The following CRTC3 variants were observed in gnomAD, a reference collection of about 807,000 sequenced individuals.
CRTC3 encodes CREB-regulated transcription coactivator 3.
In CRTC3, 26 loss-of-function variants were observed where a neutral mutation model predicts 74.5. That is an observed-to-expected ratio of 0.35 (90% CI 0.26 to 0.48). The LOEUF is 0.48. Among genes scored for constraint, CRTC3 ranks in the 20% least tolerant of loss-of-function variants. The pLI is 0.99. For missense variants in CRTC3, 760 were observed against 787.3 expected, an observed-to-expected ratio of 0.97 and a Z score of 0.41; for synonymous variants, 377 against 325.8, an observed-to-expected ratio of 1.16 and a Z score of -1.69.
Position 90,643,728 on chromosome 15 carries a change from AG to A in CRTC3, c.*1596del, listed in dbSNP as rs983562770. ...GAAGGGGGCAGAGCACTGCAGGGGG[AG>A]GGGGGGGTCTAGGCTGTGAGAGGAC... On this transcript the variant is annotated 3_prime_UTR_variant, in exon 15 of 15. Coordinates refer to ENST00000268184, the MANE Select transcript of CRTC3 (RefSeq NM_022769.5). 7.6e-4 allele frequency: 160 copies of A among 210,706 alleles called. No individual in the cohort carries two copies. The highest frequency in any genetic ancestry group is 1.5e-3 in the Middle Eastern group (1 of 684). 13.1% of individuals were successfully genotyped at this position (210,706 alleles called of 1,614,324 possible).
intron 2 of CRTC3, among the ~76,000 whole-genome samples, chr15:90,558,909 G>T (rs921235205): frequency 6.6e-6 from 1 of 151,634 alleles, no homozygotes; most frequent in African/African-American, 2.4e-5. Flanking sequence ...GTGCTACCAC[G>T]CCCGGCTAAT....
At chr15:90,537,301 C>T (rs1305517982) in intron 1 of CRTC3, among the ~76,000 whole-genome samples, 1 of 152,220 alleles carries the variant, frequency 6.6e-6, no homozygotes, top group South Asian at 2.1e-4. Flanking sequence ...TTAATCCTCA[C>T]TTTATCTTGT....
At chr15:90,589,894 G>A (rs1203010550) in intron 2 of CRTC3, among the ~76,000 whole-genome samples, 2 of 152,086 alleles carry the variant, frequency 1.3e-5, no homozygotes, top group Non-Finnish European at 2.9e-5. Flanking sequence ...AACTAAGGCA[G>A]GAGAATCGCT....
chr15:90,568,481 G>C (rs1967177534), intron 2 of CRTC3, among the ~76,000 whole-genome samples: 1 of 152,056 alleles, frequency 6.6e-6, no homozygotes, highest in African/African-American at 2.4e-5. Flanking sequence ...CTCCCGAGTA[G>C]CTAGGATTAC....
chr15:90,577,668 T>C (rs558117751), intron 2 of CRTC3, among the ~76,000 whole-genome samples: 1 of 152,322 alleles, frequency 6.6e-6, no homozygotes, highest in East Asian at 1.9e-4. Flanking sequence ...AAACAGGTTA[T>C]GTATACACAA....
At chr15:90,576,327 A>G (rs776730379) in intron 2 of CRTC3, among the ~76,000 whole-genome samples, 25 of 152,292 alleles carry the variant, frequency 1.6e-4, no homozygotes, top group African/African-American at 5.8e-4. Context: ...ATGTGCAGGG[A>G]TGAGGAGGAA....
At chr15:90,638,265 TG>T in intron 11 of CRTC3, 180 bp from the exon 12 acceptor site, 1 of 580,370 alleles carries the variant, frequency 1.7e-6, no homozygotes, top group Non-Finnish European at 3.1e-6. Flanking sequence ...ACATGCTTTG[TG>T]GGGAAGTAAA....
intron 9 of CRTC3, among the ~76,000 whole-genome samples, chr15:90,624,448 C>T (rs1043844183): frequency 5.3e-5 from 8 of 152,046 alleles, no homozygotes; most frequent in Non-Finnish European, 7.4e-5. Flanking sequence ...CATTCTCTCC[C>T]GCCTGCCTCT....
chr15:90,592,298 A>G (rs1019167355), intron 2 of CRTC3, among the ~76,000 whole-genome samples: 12 of 152,354 alleles, frequency 7.9e-5, no homozygotes, highest in African/African-American at 2.9e-4. Flanking sequence ...TGATTTCATC[A>G]TTTTGCTATG....
intron 10 of CRTC3, among the ~76,000 whole-genome samples, chr15:90,626,539 C>T (rs575171309): frequency 5.9e-5 from 9 of 152,014 alleles, no homozygotes; most frequent in African/African-American, 2.2e-4. Context: ...TTGGGTGTTA[C>T]TCTCTGGGTT....
chr15:90,555,296 C>T (rs1376962351), intron 2 of CRTC3, among the ~76,000 whole-genome samples: 2 of 152,148 alleles, frequency 1.3e-5, no homozygotes, highest in African/African-American at 2.4e-5. Context: ...CTATTAAAAT[C>T]ACTTTTTATT....
intron 13 of CRTC3, among the ~76,000 whole-genome samples, chr15:90,639,519 G>A (rs552235591): frequency 4.1e-5 from 6 of 147,342 alleles, no homozygotes; most frequent in South Asian, 4.3e-4. Flanking sequence ...GCGTGATCTC[G>A]GCTTACTGCA....
chr15:90,607,554 G>C (rs1968256559), intron 6 of CRTC3, 76 bp downstream of exon 6: 1 of 934,824 alleles, frequency 1.1e-6, no homozygotes. Flanking sequence ...GAGAGAAGCT[G>C]AAGTGGTGTT....
chr15:90,541,941 C>A (rs1349747713), intron 2 of CRTC3, among the ~76,000 whole-genome samples: 1 of 151,734 alleles, frequency 6.6e-6, no homozygotes, highest in Non-Finnish European at 1.5e-5. Flanking sequence ...TGCACTACCA[C>A]GCCCAGCTAA....
intron 2 of CRTC3, among the ~76,000 whole-genome samples, chr15:90,583,116 G>A (rs1967581968): frequency 1.3e-5 from 2 of 151,964 alleles, no homozygotes; most frequent in Admixed American, 6.6e-5. Flanking sequence ...GGGATTACAC[G>A]TGTGAGCCAC....
intron 2 of CRTC3, among the ~76,000 whole-genome samples, chr15:90,583,815 T>C (rs960489737): frequency 2.0e-5 from 3 of 152,046 alleles, no homozygotes; most frequent in African/African-American, 7.2e-5. Context: ...AGATTTGTTA[T>C]ACATTTTGAA....
chr15:90,530,161 G>C lies in CRTC3; in HGVS notation c.90G>C (p.Thr30=), dbSNP rs1302072449. The part of the protein sequence containing the change: ...ALHTQRQAEE[T]RAFEQLMTDL... Reference sequence around the variant, plus strand: ...ACACGCAGAGACAGGCCGAGGAGACGCGGGCCTTCGAGCAGCTCATGACCG... The same window carrying C: ...ACACGCAGAGACAGGCCGAGGAGACCCGGGCCTTCGAGCAGCTCATGACCG... The change falls in exon 1 of 15, where the codon ACG becomes ACC. Residue 30 remains threonine (T), a synonymous_variant. Transcript: ENST00000268184. This position sits in a 1 kb window ranked among gnomAD's most constrained non-coding sequence, Gnocchi z 6.2. 1 of 1,433,700 alleles carries C rather than the reference G, an allele frequency of 7.0e-7. No homozygotes were observed. The highest frequency in any genetic ancestry group is 9.3e-7 in the Non-Finnish European group (1 of 1,076,924). The allele number at this position is 1,433,700 out of a possible 1,614,324, so 88.8% of individuals were successfully genotyped here.
rs1969584038 is a variant in CRTC3, at chr15:90,645,274, G to T, written c.*3134G>T. The T allele has an allele frequency of 4.5e-6, 1 of 222,084 alleles. No individual in the cohort carries two copies. Among genetic ancestry groups the T allele is most frequent in the East Asian group, 6.6e-5 (1 of 15,202 alleles). The allele number at this position is 222,084 out of a possible 1,614,324, so 13.8% of individuals were successfully genotyped here. ...TAAAAATTGGAATTTGTATAAAGTT[G>T]CTTCCAAGTTTTATAATGCATCATT... On this transcript the variant is annotated 3_prime_UTR_variant, in exon 15 of 15. Transcript: ENST00000268184.
intron 2 of CRTC3, among the ~76,000 whole-genome samples, chr15:90,572,508 A>G (rs553866337): frequency 2.8e-4 from 42 of 152,306 alleles, no homozygotes; most frequent in African/African-American, 9.9e-4. Flanking sequence ...GGTGATATCA[A>G]TTTCTACTCT....
Sources: gnomAD v4.1 joint callset for allele counts (sites outside exome capture counted in the v4.1 genomes callset) on GRCh38, gnomAD v4.1.1 for gene constraint, Gnocchi (gnomAD v3.1) non-coding constraint, MANE v1.5 for transcripts, NCBI Gene and HGNC (gene_info 2026-07-23, HGNC 2026-07-21) for gene names.